Variants in NPNT observed in about 807,000 individuals in gnomAD.
NPNT encodes nephronectin, also known as preosteoblast EGF-like repeat protein with MAM domain.
In NPNT, 45 loss-of-function variants were observed where a neutral mutation model predicts 68.6. The ratio of observed to expected loss-of-function variants is 0.66; its 90% CI spans 0.52 to 0.84. NPNT has a LOEUF of 0.84. NPNT is among the 40% of genes least tolerant of loss of function. NPNT has a pLI of 0.00. For missense variants in NPNT, 672 were observed against 714.8 expected (o/e 0.94, Z 0.68); for synonymous variants, 233 against 253.3 (o/e 0.92, Z 0.76).
rs184213136 is a variant in NPNT at position 105,922,550 on chromosome 4, A to G, written c.173-4786A>G. Among the ~76,000 whole-genome samples the G allele has an allele frequency of 4.1e-3, 629 of 151,762 alleles. 4 individuals carry two copies. The highest frequency in any genetic ancestry group is 0.014 in the African/African-American group (599 of 41,378). On this transcript the variant is annotated intron_variant, in intron 2 of 11. Transcript: ENST00000379987. ...CAGGTGCCCACCACCACACCTGGCT[A>G]GTTTTTTTGTAGAGATAGGGTTTTA...
chr4:105,942,478 C>G lies in NPNT; in HGVS notation c.935C>G (p.Ser312Cys), dbSNP rs1409846154. 8.1e-6 allele frequency: 13 copies of G among 1,613,570 alleles called. 1 individual carries two copies. The South Asian group carries it at 1.3e-4, about 16-fold the overall frequency. Residue 312 changes from serine to cysteine, a missense_variant, in exon 8 of 12, where the codon TCT (serine) becomes TGT (cysteine). By Grantham distance (112) the Ser-to-Cys change is moderately radical. Transcript: ENST00000379987. Reference sequence around the variant, plus strand: ...CCTATCATTACCAACAGGCCTACTTCTAAGCCAACAACAAGACCTACACCA... The same window carrying G: ...CCTATCATTACCAACAGGCCTACTTGTAAGCCAACAACAAGACCTACACCA... ...IPPIITNRPT[S>C]KPTTRPTPKP...
intron 8 of NPNT, 110 bp downstream of exon 8, chr4:105,942,812 A>G: frequency 9.8e-7 from 1 of 1,018,190 alleles, no homozygotes; most frequent in East Asian, 2.6e-5. Context: ...CTAGCTATGT[A>G]AAGTCGTATG....
intron 2 of NPNT, among the ~76,000 whole-genome samples, chr4:105,916,834 G>A (rs992621340): frequency 2.6e-5 from 4 of 152,064 alleles, no homozygotes; most frequent in African/African-American, 7.2e-5. Context: ...GTTCAGTTCA[G>A]TACACTTTTG....
intron 2 of NPNT, among the ~76,000 whole-genome samples, chr4:105,904,600 A>C (rs1412828909): frequency 6.6e-6 from 1 of 152,300 alleles, no homozygotes; most frequent in Non-Finnish European, 1.5e-5. Context: ...CTTCCTGCCT[A>C]TCATTTACTT....
At chr4:105,903,783 C>CTTTTTTTTTT (rs746122761) in intron 2 of NPNT, among the ~76,000 whole-genome samples, 1 of 126,982 alleles carries the variant, frequency 7.9e-6, no homozygotes, top group South Asian at 2.5e-4. Context: ...GACCTTCTTA[C>CTTTTTTTTTT]TTTTTTTTTT....
intron 2 of NPNT, among the ~76,000 whole-genome samples, chr4:105,922,985 G>A (rs994235637): frequency 5.3e-5 from 8 of 152,182 alleles, no homozygotes; most frequent in Non-Finnish European, 1.2e-4. Context: ...CCACACGAAG[G>A]TCAGAGAAGC....
At chr4:105,910,436 A>G (rs1193350224) in intron 2 of NPNT, among the ~76,000 whole-genome samples, 1 of 151,762 alleles carries the variant, frequency 6.6e-6, no homozygotes, top group East Asian at 1.9e-4. Context: ...AATGAGACAG[A>G]TTTTTCTGTA....
chr4:105,943,902 G>A (rs543359517), intron 8 of NPNT, among the ~76,000 whole-genome samples: 2 of 152,322 alleles, frequency 1.3e-5, no homozygotes, highest in African/African-American at 4.8e-5. Context: ...TTGAGCCTAG[G>A]AGGTTGAGGC....
intron 7 of NPNT, among the ~76,000 whole-genome samples, 192 bp from the exon 8 acceptor site, chr4:105,942,105 CTGTGTGTGTG>C (rs143566124): frequency 6.8e-6 from 1 of 147,160 alleles, no homozygotes; most frequent in African/African-American, 2.5e-5. Flanking sequence ...ATGTGTGTGT[CTGTGTGTGTG>C]TATATATATA....
chr4:105,967,680 A>AT lies in NPNT; in HGVS notation c.1602+245dup, dbSNP rs531213334. ...CTCTCCCTAACCCTGGTAAAGATCCATTTTTTTTTAATGGAAAAAAAAATC... is the reference window on the plus strand; with the variant it reads ...CTCTCCCTAACCCTGGTAAAGATCCATTTTTTTTTTAATGGAAAAAAAAATC... On this transcript the variant is annotated intron_variant, in intron 11 of 11. Coordinates refer to ENST00000379987, the MANE Select transcript of NPNT (RefSeq NM_001033047.3). Among the ~76,000 whole-genome samples the AT allele has an allele frequency of 2.8e-4, 42 of 148,480 alleles. 1 individual carries two copies. In the South Asian group the frequency reaches 3.4e-3, roughly 12 times the overall value.
chr4:105,971,372 G>T lies in NPNT; in HGVS notation c.*2382G>T, dbSNP rs1037877664. On this transcript the variant is annotated 3_prime_UTR_variant, in exon 12 of 12. Transcript: ENST00000379987. Reference sequence around the variant, plus strand: ...ACCTGGTAAAGGCAGGGCTGGAGGGGGAAAATAAATCATTAAGCCTTTGAG... The same window carrying T: ...ACCTGGTAAAGGCAGGGCTGGAGGGTGAAAATAAATCATTAAGCCTTTGAG... The T allele has an allele frequency of 2.4e-5, 6 of 244,904 alleles. No individual in the cohort carries two copies. Among genetic ancestry groups the T allele is most frequent in the African/African-American group, 1.1e-4 (5 of 45,320 alleles). 15.2% of individuals were successfully genotyped at this position (244,904 alleles called of 1,614,324 possible).
chr4:105,906,447 C>T (rs566080693), intron 2 of NPNT, among the ~76,000 whole-genome samples: 3 of 152,222 alleles, frequency 2.0e-5, no homozygotes, highest in South Asian at 4.1e-4. Context: ...GTACAGTTCA[C>T]GGAAAGCTGT....
chr4:105,895,795 T>C, intron 1 of NPNT, 72 bp downstream of exon 1: 1 of 1,342,722 alleles, frequency 7.4e-7, no homozygotes, highest in Non-Finnish European at 1.0e-6. Flanking sequence ...GGGTCACTTT[T>C]CCCCGCGGGG....
Position 105,967,389 on chromosome 4 carries a change from G to GT in NPNT, c.1548dup (p.Gly517TrpfsTer15), listed in dbSNP as rs1560547781. The GT allele has an allele frequency of 6.2e-7, 1 of 1,606,022 alleles. No individual in the cohort carries two copies. The highest frequency in any genetic ancestry group is 1.1e-5 in the South Asian group (1 of 89,610). On this transcript the variant is annotated frameshift_variant, in exon 11 of 12. Transcript: ENST00000379987. LOFTEE classifies it high-confidence loss of function. ...GGAGCAGCCCTGTGGGGAAGAAATGGTGGCCATGGCTGGAGGCAAACACAG... is the reference window on the plus strand; with the variant it reads ...GGAGCAGCCCTGTGGGGAAGAAATGGTTGGCCATGGCTGGAGGCAAACACAG...
chr4:105,940,766 T>C (rs1729883723), intron 7 of NPNT, 130 bp downstream of exon 7: 1 of 832,930 alleles, frequency 1.2e-6, no homozygotes, highest in Admixed American at 2.5e-5. Flanking sequence ...TATATTTGTC[T>C]TTGATTTCCA....
intron 2 of NPNT, chr4:105,912,616 A>G (rs761145808): frequency 3.7e-5 from 35 of 939,250 alleles, no homozygotes; most frequent in Middle Eastern, 1.1e-3. Context: ...AGGGAGTTGT[A>G]TTTCATATTC....
In NPNT at chr4:105,912,407, T is replaced by C. The variant is rs983331928; in HGVS notation, c.172+14406T>C. The C allele has an allele frequency of 4.4e-5, 23 of 523,060 alleles. No homozygotes were observed. The African/African-American group carries it at 4.6e-4, about 10-fold the overall frequency. The allele number at this position is 523,060 out of a possible 1,614,324, so 32.4% of individuals were successfully genotyped here. On this transcript the variant is annotated intron_variant, in intron 2 of 11. Transcript: ENST00000379987. ...GATGTGCTTATTCTATACATAATTA[T>C]AGTAAGTTAATTTTAATTCCATTAT...
At chr4:105,914,583 G>A (rs559736730) in intron 2 of NPNT, among the ~76,000 whole-genome samples, 6 of 146,438 alleles carry the variant, frequency 4.1e-5, no homozygotes, top group Admixed American at 7.1e-5. Context: ...AGGCATTCAC[G>A]TCACTCACTA....
intron 8 of NPNT, among the ~76,000 whole-genome samples, chr4:105,949,267 C>T (rs1018769865): frequency 6.6e-6 from 1 of 152,100 alleles, no homozygotes; most frequent in African/African-American, 2.4e-5. Flanking sequence ...GTATCTTTTC[C>T]CAAGTTGTTT....
Sources: gnomAD v4.1 joint callset for allele counts (sites outside exome capture counted in the v4.1 genomes callset) on GRCh38, gnomAD v4.1.1 for gene constraint, MANE v1.5 for transcripts, NCBI Gene and HGNC (gene_info 2026-07-23, HGNC 2026-07-21) for gene names.